The following FARP1 variants were observed in gnomAD, a reference collection of about 807,000 sequenced individuals.
The protein encoded by FARP1 is FERM, ARH/RhoGEF and pleckstrin domain protein 1, also known as FERM, ARHGEF and pleckstrin domain-containing protein 1.
Under a neutral mutation model 128.8 loss-of-function variants are expected in FARP1, and 52 were observed. The ratio of observed to expected loss-of-function variants is 0.40; its 90% CI spans 0.32 to 0.51. The LOEUF is 0.51. Ranked by LOEUF, FARP1 falls within the 20% of genes least tolerant of loss-of-function variation. The pLI is 0.45. For synonymous variants in FARP1, 580 were observed against 551.8 expected, an observed-to-expected ratio of 1.05 and a Z score of -0.72; for missense variants, 1,333 against 1,367.9, an observed-to-expected ratio of 0.97 and a Z score of 0.40.
chr13:98,348,513 A>T (rs1888273945), intron 3 of FARP1, among the ~76,000 whole-genome samples: 1 of 152,230 alleles, frequency 6.6e-6, no homozygotes, highest in South Asian at 2.1e-4. Context: ...GATTCTTGCT[A>T]AAACTGGACA....
chr13:98,318,950 G>GTTTTTTTTTTTTTT lies in FARP1; in HGVS notation c.172-24806_172-24793dup, dbSNP rs56166470. On this transcript the variant is annotated intron_variant, in intron 2 of 26. Transcript: ENST00000319562. ...TTCCTTTGGAGCTTAGTTTTTTCTT[G>GTTTTTTTTTTTTTT]TTTTTTTTTTTTTTTTTTTGTTTGT... Among the ~76,000 whole-genome samples the GTTTTTTTTTTTTTT allele has an allele frequency of 2.8e-3, 332 of 120,596 alleles. 1 individual carries two copies. The highest frequency in any genetic ancestry group is 3.9e-3 in the African/African-American group (122 of 31,166). The allele number at this position is 120,596 out of a possible 152,430, so 79.1% of individuals were successfully genotyped here. A position where few individuals can be genotyped will look rare whatever the true frequency, so the allele number is the denominator to read the frequency against.
At position 98,213,292 on chromosome 13, in the gene FARP1, C is replaced by T. The variant is rs202150265; in HGVS notation, c.50C>T (p.Pro17Leu). The change falls in exon 2 of 27, where the codon CCG becomes CTG. Residue 17 changes from proline (P) to leucine (L), a missense_variant. Physicochemically the swap from Pro to Leu is moderately conservative, Grantham distance 98. This residue lies in a region of FARP1 where 324 missense variants were observed against 398.1 expected (regional missense o/e 0.81). Coordinates refer to ENST00000319562, the MANE Select transcript of FARP1 (RefSeq NM_005766.4). The stretch of plus-strand genomic sequence containing the variant: ...ACCCCAGGATCACGACTGGGGGCCC[C>T]GGAAAATTCGGGGATCAGTACCTTG... The part of the protein sequence containing the change: ...RPTPGSRLGA[P>L]ENSGISTLER... 5.3e-5 allele frequency: 86 copies of T among 1,613,976 alleles called. 1 individual carries two copies. In the East Asian group the frequency reaches 1.0e-3, roughly 19 times the overall value.
intron 2 of FARP1, chr13:98,245,187 A>G (rs1594316090): frequency 1.0e-6 from 1 of 990,178 alleles, no homozygotes; most frequent in African/African-American, 1.7e-5. Flanking sequence ...TACCTCATTT[A>G]CCATATTACT....
At chr13:98,332,971 A>C (rs1469546171) in intron 2 of FARP1, 1 of 152,350 alleles carries the variant, frequency 6.6e-6, no homozygotes, top group African/African-American at 2.4e-5. Context: ...TTTGGAAGCC[A>C]AGTATTAGTA....
chr13:98,257,270 G>C (rs1439302813), intron 2 of FARP1, among the ~76,000 whole-genome samples: 2 of 152,096 alleles, frequency 1.3e-5, no homozygotes, highest in Non-Finnish European at 2.9e-5. Flanking sequence ...CGATGGAAAT[G>C]TGTTCTGGAA....
At chr13:98,160,464 T>A (rs1876801135) in intron 1 of FARP1, among the ~76,000 whole-genome samples, 1 of 152,190 alleles carries the variant, frequency 6.6e-6, no homozygotes, top group Non-Finnish European at 1.5e-5. Flanking sequence ...TTAAAAAAAA[T>A]TTAAAAATAG....
intron 16 of FARP1, among the ~76,000 whole-genome samples, chr13:98,420,827 G>A (rs1026007991): frequency 7.9e-5 from 12 of 152,148 alleles, no homozygotes; most frequent in African/African-American, 2.2e-4. Flanking sequence ...CCTTTTAGCC[G>A]TTCATAATAG....
chr13:98,182,312 T>C (rs1209084617), intron 1 of FARP1, among the ~76,000 whole-genome samples: 1 of 152,256 alleles, frequency 6.6e-6, no homozygotes, highest in East Asian at 1.9e-4. Flanking sequence ...GGTTGGTTCA[T>C]TGTTTTATTT....
chr13:98,440,374 T>C, intron 23 of FARP1, 139 bp downstream of exon 23: 1 of 693,056 alleles, frequency 1.4e-6, no homozygotes, highest in South Asian at 1.8e-5. Context: ...ATCAAGACAG[T>C]TCTTTTTCCT....
At chr13:98,178,189 A>ATT (rs57310501) in intron 1 of FARP1, among the ~76,000 whole-genome samples, 28 of 112,964 alleles carry the variant, frequency 2.5e-4, no homozygotes, top group African/African-American at 6.6e-4. Context: ...ATCATTTTTA[A>ATT]TTTTTTTTTT....
chr13:98,421,203 G>A (rs1320040621), intron 16 of FARP1, among the ~76,000 whole-genome samples: 1 of 152,254 alleles, frequency 6.6e-6, no homozygotes, highest in Non-Finnish European at 1.5e-5. Flanking sequence ...GACTTAGAGA[G>A]ATACGGATGT....
chr13:98,301,010 G>A lies in FARP1; in HGVS notation c.172-42752G>A, dbSNP rs140318377. 3.8e-3 allele frequency among the ~76,000 whole-genome samples: 586 copies of A among 152,290 alleles called. 1 individual carries two copies. Among genetic ancestry groups the A allele is most frequent in the Middle Eastern group, 0.017 (5 of 294 alleles). On this transcript the variant is annotated intron_variant, in intron 2 of 26. Transcript: ENST00000319562. ...CCAGACCAGCTGTCATCAACTTGGGGCCATTGCGCCATCCAGGGGACATCG... is the reference window on the plus strand; with the variant it reads ...CCAGACCAGCTGTCATCAACTTGGGACCATTGCGCCATCCAGGGGACATCG...
chr13:98,333,480 A>C (rs201494274), intron 2 of FARP1: 17 of 108,446 alleles, frequency 1.6e-4, no homozygotes, highest in South Asian at 3.6e-4. Context: ...CACACACACA[A>C]AATCTATCTT....
intron 4 of FARP1, among the ~76,000 whole-genome samples, chr13:98,367,500 T>C (rs969955309): frequency 6.6e-5 from 10 of 151,900 alleles, no homozygotes; most frequent in African/African-American, 2.2e-4. Flanking sequence ...TTTTTTTTTT[T>C]TTAAATTCTG....
rs59128917 is a variant in FARP1, at chr13:98,256,948, G to GGTATATATGT, written c.171+43535_171+43536insGTATATATGT. 5.1e-4 allele frequency among the ~76,000 whole-genome samples: 39 copies of GGTATATATGT among 77,076 alleles called. 1 individual carries two copies. The highest frequency in any genetic ancestry group is 4.3e-4 in the Non-Finnish European group (16 of 37,096). The allele number at this position is 77,076 out of a possible 152,430, so 50.6% of individuals were successfully genotyped here. ...CAATAATTTTCAAAGTATATATGTG[G>GGTATATATGT]ATATATATATATATATATATATATA... On this transcript the variant is annotated intron_variant, in intron 2 of 26. Transcript: ENST00000319562.
At chr13:98,433,921 G>A (rs1892145119) in intron 18 of FARP1, 1 of 152,258 alleles carries the variant, frequency 6.6e-6, no homozygotes, top group Non-Finnish European at 1.5e-5. Context: ...GCCGAGCCCG[G>A]AGGAAAGGAC....
intron 7 of FARP1, 33 bp downstream of exon 7, chr13:98,384,877 G>A (rs745320715): frequency 4.4e-6 from 6 of 1,364,470 alleles, no homozygotes; most frequent in Admixed American, 1.7e-5. Context: ...TATTCCCTCT[G>A]AGCCGGTTCT....
At chr13:98,261,722 A>G (rs1883890341) in intron 2 of FARP1, among the ~76,000 whole-genome samples, 1 of 152,164 alleles carries the variant, frequency 6.6e-6, no homozygotes, top group African/African-American at 2.4e-5. Flanking sequence ...AGCAAGAGAA[A>G]GAAGCAAGGC....
chr13:98,353,978 T>A (rs1317484830), intron 3 of FARP1, among the ~76,000 whole-genome samples: 1 of 152,210 alleles, frequency 6.6e-6, no homozygotes, highest in African/African-American at 2.4e-5. Context: ...TTAAACTGAG[T>A]AATTGATGTT....
Sources: gnomAD v4.1 joint callset for allele counts (sites outside exome capture counted in the v4.1 genomes callset) on GRCh38, gnomAD v4.1.1 for gene constraint, gnomAD v4.1.1 regional missense constraint, MANE v1.5 for transcripts, NCBI Gene and HGNC (gene_info 2026-07-23, HGNC 2026-07-21) for gene names.